Variants in LEF1 observed in about 807,000 individuals in gnomAD.
LEF1 encodes lymphoid enhancer binding factor 1.
In LEF1, 14 loss-of-function variants were observed where a neutral mutation model predicts 51.2. The observed-to-expected ratio is 0.27, with a 90% CI of 0.18 to 0.43. The LOEUF (loss-of-function observed/expected upper bound fraction) is 0.43. Among genes scored for constraint, LEF1 ranks in the 20% least tolerant of loss-of-function variants. The pLI is 1.00. For missense variants in LEF1, 386 were observed against 512.0 expected, an observed-to-expected ratio of 0.75 and a Z score of 2.37; for synonymous variants, 185 against 183.2, an observed-to-expected ratio of 1.01 and a Z score of -0.08.
intron 8 of LEF1, among the ~76,000 whole-genome samples, chr4:108,076,637 C>G (rs1738881238): frequency 6.6e-6 from 1 of 152,218 alleles, no homozygotes; most frequent in Non-Finnish European, 1.5e-5. Context: ...CTCGGCCTCT[C>G]AAAGTGCTGA....
intron 3 of LEF1, among the ~76,000 whole-genome samples, chr4:108,116,354 C>T (rs1741842696): frequency 6.6e-6 from 1 of 152,160 alleles, no homozygotes; most frequent in Non-Finnish European, 1.5e-5. Context: ...AACTCCATCT[C>T]TACAAAAAAA....
rs76881282 is a variant in LEF1 at position 108,079,227 on chromosome 4, G to A, written c.845+265C>T. On this transcript the variant is annotated intron_variant, in intron 7 of 11. Coordinates refer to ENST00000265165, the MANE Select transcript of LEF1 (RefSeq NM_016269.5). Reference sequence around the variant, plus strand: ...AATGGCTAAACAGCTGAAGAGTCTCGAATGCCTATGTTCTGAAGATTCTTC... The same window carrying A: ...AATGGCTAAACAGCTGAAGAGTCTCAAATGCCTATGTTCTGAAGATTCTTC... 5.6e-5 allele frequency among the ~76,000 whole-genome samples: 8 copies of A among 141,908 alleles called. No individual in the cohort carries two copies. The South Asian group carries it at 6.9e-4, about 12-fold the overall frequency. The allele number at this position is 141,908 out of a possible 152,430, so 93.1% of individuals were successfully genotyped here.
chr4:108,124,501 C>T (rs1368599127), intron 3 of LEF1, among the ~76,000 whole-genome samples: 3 of 151,980 alleles, frequency 2.0e-5, no homozygotes, highest in Admixed American at 2.0e-4. Flanking sequence ...TCCCAAGTAG[C>T]TGGAACTACA....
chr4:108,050,483 G>A (rs918954900), intron 11 of LEF1, among the ~76,000 whole-genome samples: 2 of 152,116 alleles, frequency 1.3e-5, no homozygotes, highest in Non-Finnish European at 2.9e-5. Context: ...GATCTTGCAC[G>A]CAGGAGGATC....
At chr4:108,061,335 G>A (rs6840356) in intron 11 of LEF1, among the ~76,000 whole-genome samples, 11,785 of 152,148 alleles carry the variant, frequency 0.077, 1,504 homozygotes, top group African/African-American at 0.27. Context: ...GCTGTGACTT[G>A]CTAGAAAAAG....
intron 3 of LEF1, among the ~76,000 whole-genome samples, chr4:108,154,097 C>T (rs1160701481): frequency 6.6e-6 from 1 of 151,938 alleles, no homozygotes; most frequent in Non-Finnish European, 1.5e-5. Flanking sequence ...ACATGTATTG[C>T]TTTTTAAATT....
At chr4:108,099,578 A>ATGTGTGTGTG (rs778362206) in intron 3 of LEF1, among the ~76,000 whole-genome samples, 4 of 44,418 alleles carry the variant, frequency 9.0e-5, no homozygotes, top group Admixed American at 2.0e-4. Flanking sequence ...GTGTATATAT[A>ATGTGTGTGTG]TATATATATA....
chr4:108,141,531 A>G (rs993700378), intron 3 of LEF1, among the ~76,000 whole-genome samples: 1 of 152,204 alleles, frequency 6.6e-6, no homozygotes, highest in Non-Finnish European at 1.5e-5. Flanking sequence ...TGAATTACAC[A>G]TAATTGTTTC....
chr4:108,167,545 G>C lies in LEF1; in HGVS notation c.213+10C>G. The stretch of plus-strand genomic sequence containing the variant: ...CACGCCTCTCGGAACTGGGGCAGCG[G>C]CCCGCTCACCTCGTGTCCGTTGCTG... On this transcript the variant is annotated intron_variant, in intron 1 of 11. Transcript: ENST00000265165. This position sits in a 1 kb window ranked among gnomAD's most constrained non-coding sequence, Gnocchi z 5.7. 1 of 1,613,450 alleles carries C rather than the reference G, an allele frequency of 6.2e-7. No homozygotes were observed. The highest frequency in any genetic ancestry group is 1.1e-5 in the South Asian group (1 of 91,040).
At chr4:108,165,287 A>C (rs547183773) in intron 1 of LEF1, 124 bp from the exon 2 acceptor site, 1 of 805,008 alleles carries the variant, frequency 1.2e-6, no homozygotes, top group East Asian at 2.5e-5. Flanking sequence ...TCTGTTTTAT[A>C]CTCTGAGAGA....
chr4:108,078,685 T>G (rs1169925218), intron 7 of LEF1, among the ~76,000 whole-genome samples: 1 of 152,150 alleles, frequency 6.6e-6, no homozygotes, highest in African/African-American at 2.4e-5. Context: ...GGACTTGGCA[T>G]TGTGAAGATG....
chr4:108,068,807 A>C (rs1474046545), intron 9 of LEF1, among the ~76,000 whole-genome samples: 1 of 152,210 alleles, frequency 6.6e-6, no homozygotes, highest in Non-Finnish European at 1.5e-5. Context: ...CTTGAGCCCC[A>C]CAGCAGCACC....
intron 4 of LEF1, among the ~76,000 whole-genome samples, chr4:108,088,739 A>ACATCTG (rs1739814650): frequency 3.3e-5 from 1 of 30,430 alleles, no homozygotes; most frequent in African/African-American, 5.6e-5. Context: ...AAGAGATTCA[A>ACATCTG]AAGAATAAAT....
chr4:108,092,524 C>G (rs77360350), intron 3 of LEF1, among the ~76,000 whole-genome samples: 13 of 152,302 alleles, frequency 8.5e-5, no homozygotes, highest in African/African-American at 3.1e-4. Flanking sequence ...CAAGTTACTG[C>G]CCCTTGACAC....
intron 3 of LEF1, among the ~76,000 whole-genome samples, chr4:108,141,145 TTCTC>T (rs1743623407): frequency 6.6e-6 from 1 of 152,230 alleles, no homozygotes; most frequent in African/African-American, 2.4e-5. Flanking sequence ...TTCACTTTCC[TTCTC>T]TCTTTCAGTA....
rs74781036 is a variant in LEF1 at position 108,098,026 on chromosome 4, G to C, written c.415-8769C>G. Among the ~76,000 whole-genome samples, 34 of 152,204 alleles carry C rather than the reference G, an allele frequency of 2.2e-4. No individual in the cohort carries two copies. In the East Asian group the frequency reaches 5.8e-3, roughly 26 times the overall value. The stretch of plus-strand genomic sequence containing the variant: ...AGAGGGAGGGCACTGTTTGGGGCGG[G>C]TTGGTTCAGGGGGGACAAATTCCAG... On this transcript the variant is annotated intron_variant, in intron 3 of 11. Coordinates refer to ENST00000265165, the MANE Select transcript of LEF1 (RefSeq NM_016269.5).
At chr4:108,148,032 C>T (rs1327587305) in intron 3 of LEF1, among the ~76,000 whole-genome samples, 1 of 152,102 alleles carries the variant, frequency 6.6e-6, no homozygotes, top group Non-Finnish European at 1.5e-5. Context: ...TTAAATAGTA[C>T]AAAAAGCAAG....
chr4:108,106,347 A>G (rs977424376), intron 3 of LEF1, among the ~76,000 whole-genome samples: 1 of 152,158 alleles, frequency 6.6e-6, no homozygotes, highest in African/African-American at 2.4e-5. Flanking sequence ...ATGAAACTCC[A>G]GGCAGGAGGT....
intron 11 of LEF1, among the ~76,000 whole-genome samples, chr4:108,053,667 T>C (rs1338082521): frequency 6.6e-6 from 1 of 152,248 alleles, no homozygotes; most frequent in Non-Finnish European, 1.5e-5. Flanking sequence ...CTGATCAGCC[T>C]AGCCCTCTGT....
Sources: gnomAD v4.1 joint callset for allele counts (sites outside exome capture counted in the v4.1 genomes callset) on GRCh38, gnomAD v4.1.1 for gene constraint, Gnocchi (gnomAD v3.1) non-coding constraint, MANE v1.5 for transcripts, NCBI Gene and HGNC (gene_info 2026-07-23, HGNC 2026-07-21) for gene names.